SPAG16: variants seen among roughly 807,000 people sequenced by gnomAD.
SPAG16 encodes the protein sperm associated antigen 16.
A neutral mutation model predicts 80.4 loss-of-function variants in SPAG16; 86 were observed. That is an observed-to-expected ratio of 1.07 (90% CI 0.90 to 1.28). SPAG16 has a LOEUF of 1.28. Among genes scored for constraint, SPAG16 ranks in the 50% most tolerant of loss-of-function variants. The pLI is 0.00. For missense variants in SPAG16, 870 were observed against 765.3 expected (o/e 1.14, Z -1.61); for synonymous variants, 294 against 265.9 (o/e 1.11, Z -1.03).
chr2:213,592,140 C>G (rs2060714688), intron 10 of SPAG16, among the ~76,000 whole-genome samples: 1 of 152,044 alleles, frequency 6.6e-6, no homozygotes, highest in Admixed American at 6.6e-5. Flanking sequence ...TGGCTTTCAG[C>G]ATATAAAAAA....
intron 15 of SPAG16, among the ~76,000 whole-genome samples, chr2:214,330,485 G>C (rs1034176107): frequency 6.6e-6 from 1 of 152,214 alleles, no homozygotes; most frequent in Non-Finnish European, 1.5e-5. Flanking sequence ...AGTCTTATTA[G>C]AAAGTGCTCT....
chr2:214,269,441 A>G (rs1429317120), intron 15 of SPAG16, among the ~76,000 whole-genome samples: 1 of 151,976 alleles, frequency 6.6e-6, no homozygotes, highest in Non-Finnish European at 1.5e-5. Flanking sequence ...TTGTGTGTGC[A>G]CACTAATGTG....
chr2:213,739,665 G>C (rs2067451470), intron 10 of SPAG16, among the ~76,000 whole-genome samples: 1 of 151,840 alleles, frequency 6.6e-6, no homozygotes. Context: ...ACAATGGTGG[G>C]ATCTCGGCTC....
chr2:213,929,947 T>G lies in SPAG16; in HGVS notation c.1215-13T>G. The G allele has an allele frequency of 6.3e-7, 1 of 1,598,254 alleles. No homozygotes were observed. Among genetic ancestry groups the G allele is most frequent in the Non-Finnish European group, 8.5e-7 (1 of 1,171,874 alleles). Reference sequence around the variant, plus strand: ...TTTTTAAACAAGCTGTCTTTTTATGTTTTTGCAAATAGTGGCGACAAATTG... The same window carrying G: ...TTTTTAAACAAGCTGTCTTTTTATGGTTTTGCAAATAGTGGCGACAAATTG... On this transcript the variant is annotated splice_polypyrimidine_tract_variant and intron_variant, in intron 11 of 15. Coordinates refer to ENST00000331683, the MANE Select transcript of SPAG16 (RefSeq NM_024532.5).
chr2:214,281,072 G>T, intron 15 of SPAG16: 1 of 382,168 alleles, frequency 2.6e-6, no homozygotes, highest in Non-Finnish European at 5.1e-6. Flanking sequence ...GTTCTGGCAA[G>T]GCCTTCATCT....
intron 15 of SPAG16, among the ~76,000 whole-genome samples, chr2:214,222,322 G>T (rs2058599110): frequency 1.3e-5 from 2 of 151,770 alleles, no homozygotes; most frequent in Admixed American, 1.3e-4. Context: ...TCACCATGTT[G>T]GCCAGCCTGG....
At chr2:213,984,113 T>C (rs941263035) in intron 12 of SPAG16, among the ~76,000 whole-genome samples, 1 of 152,094 alleles carries the variant, frequency 6.6e-6, no homozygotes, top group Non-Finnish European at 1.5e-5. Flanking sequence ...ATTATATGCA[T>C]GAATGAATAT....
intron 9 of SPAG16, among the ~76,000 whole-genome samples, chr2:213,385,905 T>C (rs2067405531): frequency 6.6e-6 from 1 of 152,172 alleles, no homozygotes; most frequent in Non-Finnish European, 1.5e-5. Flanking sequence ...ATGACTTTCC[T>C]ATAATATGTT....
chr2:213,795,956 T>G (rs2071000731), intron 10 of SPAG16, among the ~76,000 whole-genome samples: 1 of 152,154 alleles, frequency 6.6e-6, no homozygotes, highest in Non-Finnish European at 1.5e-5. Flanking sequence ...TGTTTCTTTA[T>G]AGCAGTGAAA....
At chr2:214,302,468 G>A (rs934903745) in intron 15 of SPAG16, among the ~76,000 whole-genome samples, 2 of 152,036 alleles carry the variant, frequency 1.3e-5, no homozygotes, top group African/African-American at 4.8e-5. Flanking sequence ...AATAGTATTT[G>A]TTTTGTGAAT....
chr2:214,137,345 T>C (rs11900391), intron 14 of SPAG16, among the ~76,000 whole-genome samples: 26,391 of 152,026 alleles, frequency 0.17, 2,365 homozygotes, highest in African/African-American at 0.22. Flanking sequence ...TATATTTATA[T>C]ATGTTATCTA....
intron 10 of SPAG16, among the ~76,000 whole-genome samples, chr2:213,840,236 A>T (rs184796381): frequency 6.6e-6 from 1 of 152,214 alleles, no homozygotes; most frequent in African/African-American, 2.4e-5. Context: ...CCAAATCTCT[A>T]TTAACCTACT....
chr2:213,866,186 A>G lies in SPAG16; in HGVS notation c.1214+3558A>G, dbSNP rs186256551. 2.4e-3 allele frequency among the ~76,000 whole-genome samples: 366 copies of G among 152,022 alleles called. 1 individual carries two copies. The highest frequency in any genetic ancestry group is 8.5e-3 in the African/African-American group (355 of 41,556). On this transcript the variant is annotated intron_variant, in intron 11 of 15. Transcript: ENST00000331683. Reference sequence around the variant, plus strand: ...AAAACAGGTAATTTTTAGTTTCATTACCTAGCCCAAGGACAGAAAAAATAA... The same window carrying G: ...AAAACAGGTAATTTTTAGTTTCATTGCCTAGCCCAAGGACAGAAAAAATAA...
At chr2:213,291,665 G>A (rs2062279610) in intron 1 of SPAG16, among the ~76,000 whole-genome samples, 1 of 152,134 alleles carries the variant, frequency 6.6e-6, no homozygotes, top group Non-Finnish European at 1.5e-5. Flanking sequence ...AAATAGGTGA[G>A]TTCATTACCT....
At chr2:213,683,564 G>A (rs1286157953) in intron 10 of SPAG16, among the ~76,000 whole-genome samples, 1 of 151,112 alleles carries the variant, frequency 6.6e-6, no homozygotes, top group African/African-American at 2.4e-5. Flanking sequence ...AAAAAAAAAA[G>A]ATACATAAAT....
At chr2:213,769,235 C>T (rs1400773490) in intron 10 of SPAG16, among the ~76,000 whole-genome samples, 1 of 152,104 alleles carries the variant, frequency 6.6e-6, no homozygotes, top group Admixed American at 6.6e-5. Context: ...TTTTATATTA[C>T]CAATTCTATC....
In SPAG16 at chr2:213,523,681, T is replaced by A. The variant is rs921306741; in HGVS notation, c.1070+33591T>A. On this transcript the variant is annotated intron_variant, in intron 10 of 15. Coordinates refer to ENST00000331683, the MANE Select transcript of SPAG16 (RefSeq NM_024532.5). ...GCTGATAGTGATACAAACAATGAAG[T>A]CCAGGCTGAGGTGGTCTCAGGTAGA... Among the ~76,000 whole-genome samples the A allele has an allele frequency of 3.9e-5, 6 of 152,148 alleles. No homozygotes were observed. In the South Asian group the frequency reaches 6.2e-4, roughly 16 times the overall value.
At chr2:213,917,534 C>A (rs1346039301) in intron 11 of SPAG16, among the ~76,000 whole-genome samples, 1 of 151,990 alleles carries the variant, frequency 6.6e-6, no homozygotes, top group Non-Finnish European at 1.5e-5. Context: ...CTTTTTGTGG[C>A]AATTGTGAAT....
intron 5 of SPAG16, among the ~76,000 whole-genome samples, chr2:213,325,560 G>C (rs2063806340): frequency 6.6e-6 from 1 of 151,888 alleles, no homozygotes; most frequent in East Asian, 1.9e-4. Context: ...AGACACGGGT[G>C]ATGTAGGTGT....
Sources: allele counts gnomAD v4.1 joint callset (sites outside exome capture counted in the v4.1 genomes callset), GRCh38; gene constraint gnomAD v4.1.1; transcripts MANE v1.5; gene names NCBI Gene and HGNC (gene_info 2026-07-23, HGNC 2026-07-21).